CRYBG3: variants seen among roughly 807,000 people sequenced by gnomAD.
CRYBG3 encodes the protein crystallin beta-gamma domain containing 3.
CRYBG3 carries 127 observed loss-of-function variants against 244.2 expected under a neutral mutation model. The observed-to-expected ratio is 0.52, with a 90% CI of 0.45 to 0.60. The LOEUF is 0.60. Ranked by LOEUF, CRYBG3 falls within the 20% of genes least tolerant of loss-of-function variation. CRYBG3 has a pLI of 0.00. For synonymous variants in CRYBG3, 1,132 were observed against 1,195.8 expected (o/e 0.95, Z 1.10); for missense variants, 3,325 against 3,442.5 (o/e 0.97, Z 0.85).
At chr3:97,924,310 G>A in intron 17 of CRYBG3, 1 of 386,220 alleles carries the variant, frequency 2.6e-6, no homozygotes. Flanking sequence ...AATGTGAAAA[G>A]CAAACTTTAC....
At chr3:97,896,427 A>C (rs2039640989) in intron 12 of CRYBG3, among the ~76,000 whole-genome samples, 2 of 152,184 alleles carry the variant, frequency 1.3e-5, no homozygotes, top group Non-Finnish European at 1.5e-5. Context: ...TGATTGTATT[A>C]AGTACAAAGT....
intron 17 of CRYBG3, among the ~76,000 whole-genome samples, chr3:97,918,414 A>G (rs1344117461): frequency 1.3e-5 from 2 of 152,196 alleles, no homozygotes; most frequent in Non-Finnish European, 2.9e-5. Flanking sequence ...GCTTCTAACG[A>G]ATATGACCTT....
At chr3:97,841,115 T>G (rs2038806476) in intron 1 of CRYBG3, among the ~76,000 whole-genome samples, 2 of 151,846 alleles carry the variant, frequency 1.3e-5, no homozygotes, top group African/African-American at 2.4e-5. Context: ...CAATATTTTC[T>G]ATTGTTTTAT....
chr3:97,904,865 T>TCC (rs2039749762), intron 15 of CRYBG3, among the ~76,000 whole-genome samples: 1 of 150,576 alleles, frequency 6.6e-6, no homozygotes, highest in South Asian at 2.1e-4. Flanking sequence ...ATTAGGTATA[T>TCC]CTCCCAATGC....
Position 97,842,460 on chromosome 3 carries a change from G to A in CRYBG3, c.150-735G>A, listed in dbSNP as rs1224194845. ...CCTGTAGTCCTGGATACTTAGGAGG[G>A]TGAGCCAGGAGGATTGCTTGAGCCC... is the stretch of plus-strand genomic sequence containing the variant. On this transcript the variant is annotated intron_variant, in intron 1 of 21. Coordinates refer to ENST00000389622, the MANE Select transcript of CRYBG3 (RefSeq NM_153605.4). Among the ~76,000 whole-genome samples, 3 of 152,006 alleles carry A rather than the reference G, an allele frequency of 2.0e-5. No homozygotes were observed. The East Asian group carries it at 5.8e-4, about 29-fold the overall frequency.
At chr3:97,942,247 A>G (rs758450684) in intron 20 of CRYBG3, 37 bp from the exon 21 acceptor site, 4 of 1,565,026 alleles carry the variant, frequency 2.6e-6, no homozygotes, top group Non-Finnish European at 3.5e-6. Flanking sequence ...TTTAGCAAAC[A>G]TACTACTGCC....
At chr3:97,826,110 T>C (rs566022990) in intron 1 of CRYBG3, among the ~76,000 whole-genome samples, 31 of 152,306 alleles carry the variant, frequency 2.0e-4, no homozygotes, top group African/African-American at 7.5e-4. Flanking sequence ...CTTGTCCCCC[T>C]CTGCTCCTCT....
chr3:97,909,252 CTT>C (rs1241678962), intron 15 of CRYBG3, among the ~76,000 whole-genome samples: 3 of 146,826 alleles, frequency 2.0e-5, no homozygotes, highest in Admixed American at 2.0e-4. Context: ...CAAGGAGTAT[CTT>C]TGTGGCGTTC....
intron 1 of CRYBG3, among the ~76,000 whole-genome samples, chr3:97,837,896 G>C (rs1184596461): frequency 6.6e-6 from 1 of 152,074 alleles, no homozygotes; most frequent in Non-Finnish European, 1.5e-5. Flanking sequence ...TCACAGTTAT[G>C]TATGAAAGAA....
rs559502549 is a variant in CRYBG3, at chr3:97,898,932, G to A, written c.7751G>A (p.Gly2584Glu). The A allele has an allele frequency of 1.3e-4, 212 of 1,609,272 alleles. 2 individuals are homozygous for A. In the South Asian group the frequency reaches 2.2e-3, roughly 17 times the overall value. Reference sequence around the variant, plus strand: ...CTATTTGAATCTGACCTAGAAAGTGGGAAGTTTATTGACATTACAAATCAG... The same window carrying A: ...CTATTTGAATCTGACCTAGAAAGTGAGAAGTTTATTGACATTACAAATCAG... ...VTLFESDLESGKFIDITNQEI... is the reference protein window; with the variant it reads ...VTLFESDLESEKFIDITNQEI... The change falls in exon 13 of 22, where the codon GGG becomes GAG. Residue 2584 changes from glycine (G) to glutamate (E), a missense_variant. Physicochemically the swap from Gly to Glu is moderately conservative, Grantham distance 98 (BLOSUM62 -2). This residue lies in a region of CRYBG3 where 714 missense variants were observed against 803.6 expected (regional missense o/e 0.89). Transcript: ENST00000389622.
intron 7 of CRYBG3, among the ~76,000 whole-genome samples, chr3:97,884,173 A>T (rs922699643): frequency 2.0e-5 from 3 of 152,208 alleles, no homozygotes; most frequent in Non-Finnish European, 4.4e-5. Context: ...GAGGATTGAC[A>T]GGTATAGCGA....
At chr3:97,839,572 GTTATAA>G (rs911521340) in intron 1 of CRYBG3, among the ~76,000 whole-genome samples, 12 of 152,162 alleles carry the variant, frequency 7.9e-5, no homozygotes, top group African/African-American at 2.9e-4. Context: ...AAAGACTGAT[GTTATAA>G]TTATATTGTT....
At chr3:97,851,761 C>G (rs1049768160) in intron 2 of CRYBG3, among the ~76,000 whole-genome samples, 1 of 151,998 alleles carries the variant, frequency 6.6e-6, no homozygotes, top group Non-Finnish European at 1.5e-5. Flanking sequence ...TGCCAGGGGG[C>G]TTGGATTTTA....
rs1180662905 is a variant in CRYBG3 at position 97,872,451 on chromosome 3, A to G, written c.1257A>G (p.Thr419=). The G allele has an allele frequency of 2.6e-6, 4 of 1,535,902 alleles. No homozygotes were observed. The highest frequency in any genetic ancestry group is 2.4e-5 in the East Asian group (1 of 40,924). The change falls in exon 4 of 22, where the codon ACA becomes ACG. Residue 419 remains threonine, a synonymous_variant. Transcript: ENST00000389622. ...ACAGCACTGTGATGAGTAATAGGAC[A>G]TTGGTGCAAAGAGAGGAGCTTGTTG... is the stretch of plus-strand genomic sequence containing the variant. ...KENSTVMSNR[T]LVQREELVEP...
rs541431502 is a variant in CRYBG3, at chr3:97,858,065, T to C, written c.217-6152T>C. On this transcript the variant is annotated intron_variant, in intron 2 of 21. Coordinates refer to ENST00000389622, the MANE Select transcript of CRYBG3 (RefSeq NM_153605.4). The stretch of plus-strand genomic sequence containing the variant: ...CCCTTAAGCATTTCTTTAAAGTCTA[T>C]CTAGTGGTGATGAATTTTCTCAGTT... 2.6e-4 allele frequency among the ~76,000 whole-genome samples: 39 copies of C among 152,128 alleles called. 2 individuals are homozygous for C. The South Asian group carries it at 5.8e-3, about 23-fold the overall frequency.
intron 17 of CRYBG3, among the ~76,000 whole-genome samples, chr3:97,932,118 T>TA (rs2040104657): frequency 6.6e-6 from 1 of 152,096 alleles, no homozygotes; most frequent in African/African-American, 2.4e-5. Context: ...TATCTTCTCT[T>TA]ACACAGTCTT....
chr3:97,943,552 T>G lies in CRYBG3; in HGVS notation c.*238T>G, dbSNP rs949954024. On this transcript the variant is annotated 3_prime_UTR_variant, in exon 22 of 22. Transcript: ENST00000389622. ...ATTATGATATCTTGGAAAGGTTCTATTCCTGATCTCCAGCTGTGGTGAGCA... is the reference window on the plus strand; with the variant it reads ...ATTATGATATCTTGGAAAGGTTCTAGTCCTGATCTCCAGCTGTGGTGAGCA... 2.2e-6 allele frequency: 1 copy of G among 447,852 alleles called. No individual in the cohort carries two copies. The highest frequency in any genetic ancestry group is 2.1e-5 in the African/African-American group (1 of 47,654). 27.7% of individuals were successfully genotyped at this position (447,852 alleles called of 1,614,324 possible).
At chr3:97,830,902 T>C (rs370872036) in intron 1 of CRYBG3, among the ~76,000 whole-genome samples, 32 of 152,180 alleles carry the variant, frequency 2.1e-4, no homozygotes, top group African/African-American at 7.7e-4. Context: ...CTGTGTGTGG[T>C]CTGTGCTTTC....
Position 97,829,548 on chromosome 3 carries a change from G to T in CRYBG3, c.149+7193G>T, listed in dbSNP as rs142297938. Among the ~76,000 whole-genome samples, 657 of 152,222 alleles carry T rather than the reference G, an allele frequency of 4.3e-3. 3 individuals are homozygous for T. Among genetic ancestry groups the T allele is most frequent in the Non-Finnish European group, 6.3e-3 (428 of 68,012 alleles). Reference sequence around the variant, plus strand: ...CAAAACTCCATGGGCTATTAAGTGTGTACAAAATTGATGTGCCTTATAAAT... The same window carrying T: ...CAAAACTCCATGGGCTATTAAGTGTTTACAAAATTGATGTGCCTTATAAAT... On this transcript the variant is annotated intron_variant, in intron 1 of 21. Coordinates refer to ENST00000389622, the MANE Select transcript of CRYBG3 (RefSeq NM_153605.4).
Sources: gnomAD v4.1 joint callset for allele counts (sites outside exome capture counted in the v4.1 genomes callset) on GRCh38, gnomAD v4.1.1 for gene constraint, gnomAD v4.1.1 regional missense constraint, MANE v1.5 for transcripts, NCBI Gene and HGNC (gene_info 2026-07-23, HGNC 2026-07-21) for gene names.